BEAN1: variants seen among roughly 807,000 people sequenced by gnomAD.
BEAN1 encodes the protein protein BEAN1.
BEAN1 carries 17 observed loss-of-function variants against 17.7 expected under a neutral mutation model. The observed-to-expected ratio is 0.96, with a 90% CI of 0.66 to 1.44. BEAN1 has a LOEUF of 1.44. Among genes scored for constraint, BEAN1 ranks in the 40% most tolerant of loss-of-function variants. The pLI, the probability that BEAN1 is intolerant of heterozygous loss-of-function variation, is 0.00. For missense variants in BEAN1, 359 were observed against 374.1 expected (o/e 0.96, Z 0.33); for synonymous variants, 142 against 151.8 (o/e 0.94, Z 0.47).
intron 2 of BEAN1, among the ~76,000 whole-genome samples, chr16:66,457,039 A>G (rs1962895220): frequency 1.3e-5 from 2 of 152,244 alleles, no homozygotes; most frequent in Admixed American, 1.3e-4. Context: ...CATTAAACAG[A>G]TGGAAGCAGA....
chr16:66,491,084 G>A (rs1399201508), intron 4 of BEAN1, among the ~76,000 whole-genome samples: 1 of 152,196 alleles, frequency 6.6e-6, no homozygotes. Context: ...GCTGCTCTGG[G>A]TGAGACCCTC....
chr16:66,459,935 G>A (rs1214082096), intron 2 of BEAN1, among the ~76,000 whole-genome samples: 1 of 152,224 alleles, frequency 6.6e-6, no homozygotes, highest in African/African-American at 2.4e-5. Context: ...ATTGGGCTGT[G>A]GGGGTTGGGT....
At chr16:66,488,518 C>CAAAAAAAA (rs35976761) in intron 4 of BEAN1, among the ~76,000 whole-genome samples, 16 of 49,246 alleles carry the variant, frequency 3.2e-4, no homozygotes, top group Admixed American at 2.9e-3. Flanking sequence ...TTATCACTAC[C>CAAAAAAAA]AAAAAAAAAA....
chr16:66,480,385 C>G (rs1963939310), intron 4 of BEAN1, among the ~76,000 whole-genome samples: 1 of 152,138 alleles, frequency 6.6e-6, no homozygotes, highest in African/African-American at 2.4e-5. Flanking sequence ...TGAGTCAGGT[C>G]CCAAATCCAG....
downstream of BEAN1, chr16:66,484,792 A>C (rs2142480116): frequency 2.2e-6 from 1 of 454,070 alleles, no homozygotes; most frequent in South Asian, 1.6e-5. This position sits in a 1 kb window ranked among gnomAD's most constrained non-coding sequence, Gnocchi z 4.2. Context: ...AGTAGAACGC[A>C]CCTCAAAGTG....
At chr16:66,464,403 G>A (rs1232322350) in intron 2 of BEAN1, among the ~76,000 whole-genome samples, 1 of 151,824 alleles carries the variant, frequency 6.6e-6, no homozygotes, top group African/African-American at 2.4e-5. Flanking sequence ...GTGCAGTGGC[G>A]CATCTCGGCT....
chr16:66,467,966 T>C (rs950370320), intron 2 of BEAN1, among the ~76,000 whole-genome samples: 4 of 152,238 alleles, frequency 2.6e-5, no homozygotes, highest in Non-Finnish European at 5.9e-5. Flanking sequence ...TTGAGTGTGA[T>C]TGAGGCTTTT....
Position 66,477,658 on chromosome 16 carries a change from G to A in BEAN1, c.388G>A (p.Gly130Arg), listed in dbSNP as rs146091336. The change falls in exon 4 of 5, where the codon GGG becomes AGG. Residue 130 changes from glycine (G) to arginine (R), a missense_variant. By Grantham distance (125) the Gly-to-Arg change is moderately radical. Transcript: ENST00000536005. ...CCCACCCTTGGACATCAGCTCTGAC[G>A]GGGACGTGGATGCCACGGTGCTCAG... ...WPPPLDISSD[G>R]DVDATVLREL... 6.9e-4 allele frequency: 1,075 copies of A among 1,550,734 alleles called. 12 individuals carry two copies. The East Asian group carries it at 0.022, about 31-fold the overall frequency.
chr16:66,447,163 G>A (rs761054667), intron 2 of BEAN1, among the ~76,000 whole-genome samples: 1 of 152,134 alleles, frequency 6.6e-6, no homozygotes, highest in Admixed American at 6.5e-5. Flanking sequence ...CCAGCTACCC[G>A]GGAGGCTGAG....
chr16:66,463,139 C>T (rs1041441825), intron 2 of BEAN1, among the ~76,000 whole-genome samples: 5 of 152,128 alleles, frequency 3.3e-5, no homozygotes, highest in Admixed American at 6.5e-5. Context: ...ACTTATGTTT[C>T]CATTTTTCTT....
At chr16:66,479,677 G>A (rs1341483649) in intron 4 of BEAN1, among the ~76,000 whole-genome samples, 1 of 152,186 alleles carries the variant, frequency 6.6e-6, no homozygotes, top group Non-Finnish European at 1.5e-5. Flanking sequence ...GCAGAGACTG[G>A]CCTTAGGGAT....
rs1961933118 is a variant in BEAN1 at position 66,434,416 on chromosome 16, TG to T, written c.-82-3178del. ...AGCTCTACCCTAGCAGAGGGTCTGA[TG>T]CCACCAGGGAGTGGTTTTCTTCTGG... is the stretch of plus-strand genomic sequence containing the variant. On this transcript the variant is annotated intron_variant, in intron 1 of 4. Coordinates refer to ENST00000536005, the MANE Select transcript of BEAN1 (RefSeq NM_001178020.3). The surrounding 1 kb of genome is among the most constrained non-coding windows in gnomAD (Gnocchi z 4.3). Among the ~76,000 whole-genome samples the T allele has an allele frequency of 6.6e-6, 1 of 152,156 alleles. No individual in the cohort carries two copies. The highest frequency in any genetic ancestry group is 2.1e-4 in the South Asian group (1 of 4,826).
intron 1 of BEAN1, among the ~76,000 whole-genome samples, chr16:66,435,347 C>T (rs1422905434): frequency 1.3e-5 from 2 of 152,182 alleles, no homozygotes; most frequent in African/African-American, 2.4e-5. Context: ...TGATGTCCCC[C>T]ACCTCAAAAG....
intron 3 of BEAN1, chr16:66,476,147 A>C (rs893844344): frequency 6.6e-6 from 1 of 152,150 alleles, no homozygotes; most frequent in Non-Finnish European, 1.5e-5. Flanking sequence ...AAAAAGAAAA[A>C]GAAATAAGGG....
chr16:66,493,458 G>T, exon 5 of BEAN1: 1 of 608,956 alleles, frequency 1.6e-6, no homozygotes, highest in East Asian at 2.7e-5. Flanking sequence ...CAGTGCCATG[G>T]CAGCACATGC....
Position 66,482,427 on chromosome 16 carries a change from T to G in BEAN1, c.*1502T>G, listed in dbSNP as rs1379125024. 1 of 163,622 alleles carries G rather than the reference T, an allele frequency of 6.1e-6. No individual in the cohort carries two copies. Among genetic ancestry groups the G allele is most frequent in the Admixed American group, 5.9e-5 (1 of 16,898 alleles). 10.1% of individuals were successfully genotyped at this position (163,622 alleles called of 1,614,324 possible). On this transcript the variant is annotated 3_prime_UTR_variant, in exon 5 of 5. Transcript: ENST00000536005. ...TCTGTAGAGATAGCATTTCTTCTGG[T>G]GCGGAGCTGAAAGGAATCCACCCAG...
chr16:66,454,649 T>C lies in BEAN1; in HGVS notation c.26-14953T>C, dbSNP rs182279277. On this transcript the variant is annotated intron_variant, in intron 2 of 4. Coordinates refer to ENST00000536005, the MANE Select transcript of BEAN1 (RefSeq NM_001178020.3). The stretch of plus-strand genomic sequence containing the variant: ...TTGCAGTCAGCATACAGGTAGGTCT[T>C]GTCTTTTTATTTACTCTGACAATCT... Among the ~76,000 whole-genome samples the C allele has an allele frequency of 7.8e-4, 119 of 152,240 alleles. 2 individuals are homozygous for C. The highest frequency in any genetic ancestry group is 2.6e-3 in the African/African-American group (108 of 41,574).
chr16:66,433,173 A>G (rs761876337), intron 1 of BEAN1, among the ~76,000 whole-genome samples: 7 of 151,852 alleles, frequency 4.6e-5, no homozygotes, highest in African/African-American at 1.7e-4. Context: ...CAGTAGTGCA[A>G]TCTTGGCTCA....
At chr16:66,454,030 C>T (rs1051032426) in intron 2 of BEAN1, among the ~76,000 whole-genome samples, 1 of 152,210 alleles carries the variant, frequency 6.6e-6, no homozygotes, top group African/African-American at 2.4e-5. Context: ...CCACCACGCC[C>T]GGCCTAATTT....
Sources: allele counts gnomAD v4.1 joint callset (sites outside exome capture counted in the v4.1 genomes callset), GRCh38; gene constraint gnomAD v4.1.1; non-coding constraint Gnocchi (gnomAD v3.1); transcripts MANE v1.5; gene names NCBI Gene and HGNC (gene_info 2026-07-23, HGNC 2026-07-21).